REX1BD: variants seen among roughly 807,000 people sequenced by gnomAD.
The protein encoded by REX1BD is required for excision 1-B domain-containing protein.
Under a neutral mutation model 24.4 loss-of-function variants are expected in REX1BD, and 22 were observed. The observed-to-expected ratio is 0.90, with a 90% CI of 0.64 to 1.29. The LOEUF (loss-of-function observed/expected upper bound fraction) is 1.29. REX1BD is among the 50% of genes most tolerant of loss of function. The probability of loss-of-function intolerance (pLI) is 0.00; values close to 1 mark genes in which losing one functional copy is unlikely to be tolerated. For synonymous variants in REX1BD, 146 were observed against 125.9 expected (o/e 1.16, Z -1.07); for missense variants, 293 against 285.3 (o/e 1.03, Z -0.19).
At chr19:18,590,214 G>GT (rs71166528) in intron 3 of REX1BD, 5,102 of 77,728 alleles carry the variant, frequency 0.066, 178 homozygotes, top group African/African-American at 0.15. Context: ...TCTTTCTGGT[G>GT]TTTTTTTTTT....
intron 1 of REX1BD, 39 bp downstream of exon 1, chr19:18,588,939 C>G: frequency 6.6e-7 from 1 of 1,522,724 alleles, no homozygotes; most frequent in African/African-American, 1.4e-5. Flanking sequence ...GCGGGGCGGG[C>G]GGCGCAGACC....
At position 18,589,450 on chromosome 19, in the gene REX1BD, C is replaced by T. The variant is rs1018765097; in HGVS notation, c.220C>T (p.Arg74Cys). The T allele has an allele frequency of 1.2e-5, 19 of 1,557,718 alleles. No homozygotes were observed. Among genetic ancestry groups the T allele is most frequent in the Non-Finnish European group, 1.6e-5 (19 of 1,151,568 alleles). ...APVQGLRAWG[R>C]GLRVPTCRRG... is the part of the protein sequence containing the mutation. Reference sequence around the variant, plus strand: ...GGTGCAGGGCCTGAGAGCCTGGGGGCGCGGCCTCAGGGTCCCCACATGCCG... The same window carrying T: ...GGTGCAGGGCCTGAGAGCCTGGGGGTGCGGCCTCAGGGTCCCCACATGCCG... Residue 74 changes from arginine (R) to cysteine (C), a missense_variant, in exon 3 of 5, where the codon CGC (arginine) becomes TGC (cysteine). Coordinates refer to ENST00000358607, the MANE Select transcript of REX1BD (RefSeq NM_001100418.2).
intron 4 of REX1BD, chr19:18,591,845 T>C: frequency 2.1e-6 from 1 of 487,708 alleles, no homozygotes; most frequent in Non-Finnish European, 3.7e-6. Context: ...TCTGCCTGCC[T>C]CAGCTTCCCA....
At chr19:18,589,980 A>C in intron 3 of REX1BD, 2 of 386,368 alleles carry the variant, frequency 5.2e-6, no homozygotes, top group South Asian at 5.7e-5. Context: ...TGCTCCACCC[A>C]CTCTGGTTGT....
chr19:18,592,294 T>A lies in REX1BD; in HGVS notation c.*114T>A. ...CGCCCCACTGCGCTGCTGACCTTCC[T>A]GCAGTTCCAGACACCTCCCACAATA... On this transcript the variant is annotated 3_prime_UTR_variant, in exon 5 of 5. Coordinates refer to ENST00000358607, the MANE Select transcript of REX1BD (RefSeq NM_001100418.2). The A allele has an allele frequency of 8.7e-7, 1 of 1,152,994 alleles. No individual in the cohort carries two copies. The highest frequency in any genetic ancestry group is 1.3e-5 in the South Asian group (1 of 78,578). The allele number at this position is 1,152,994 out of a possible 1,614,324, so 71.4% of individuals were successfully genotyped here.
At chr19:18,590,640 G>A (rs1442207385) in intron 3 of REX1BD, 1 of 520,540 alleles carries the variant, frequency 1.9e-6, no homozygotes, top group Non-Finnish European at 3.4e-6. Context: ...CGCCCACATC[G>A]CGCTCAGCAC....
rs1479564116 is a variant in REX1BD, at chr19:18,588,850, G to C, written c.49G>C (p.Ala17Pro). The C allele has an allele frequency of 2.0e-6, 3 of 1,533,376 alleles. No homozygotes were observed. The highest frequency in any genetic ancestry group is 1.4e-5 in the African/African-American group (1 of 72,632). 95.0% of individuals were successfully genotyped at this position (1,533,376 alleles called of 1,614,324 possible). ...AEPTVPAVPAAEEATEARGRE... is the reference protein window; with the variant it reads ...AEPTVPAVPAPEEATEARGRE... ...GCCTACGGTCCCTGCAGTGCCTGCT[G>C]CTGAGGAGGCCACCGAAGCTCGGGG... Residue 17 changes from alanine to proline, a missense_variant, in exon 1 of 5, where the codon GCT becomes CCT. Ala to Pro is a conservative substitution (Grantham distance 27). Coordinates refer to ENST00000358607, the MANE Select transcript of REX1BD (RefSeq NM_001100418.2).
At chr19:18,591,211 A>T (rs988093157) in intron 4 of REX1BD, 5 of 359,668 alleles carry the variant, frequency 1.4e-5, no homozygotes, top group Non-Finnish European at 2.0e-5. Flanking sequence ...AGACCTTCAG[A>T]TGCCTGTCCT....
At chr19:18,589,947 A>T (rs1976003589) in intron 3 of REX1BD, 1 of 473,568 alleles carries the variant, frequency 2.1e-6, no homozygotes, top group African/African-American at 2.1e-5. Flanking sequence ...CTATTCCAAG[A>T]TGCCCAGATC....
At position 18,588,921 on chromosome 19, in the gene REX1BD, G is replaced by C. The variant is rs576981326; in HGVS notation, c.99+21G>C. 7 of 1,526,574 alleles carry C rather than the reference G, an allele frequency of 4.6e-6. No homozygotes were observed. In the East Asian group the frequency reaches 1.7e-4, roughly 38 times the overall value. The allele number at this position is 1,526,574 out of a possible 1,614,324, so 94.6% of individuals were successfully genotyped here. A position where few individuals can be genotyped will look rare whatever the true frequency, so the allele number is the denominator to read the frequency against. On this transcript the variant is annotated intron_variant, in intron 1 of 4. Coordinates refer to ENST00000358607, the MANE Select transcript of REX1BD (RefSeq NM_001100418.2). ...CCTGGGTGAGCCCAGGCCCAAGCGG[G>C]AACGGGCGCGGGGCGGGCGGCGCAG... is the stretch of plus-strand genomic sequence containing the variant.
intron 3 of REX1BD, 49 bp downstream of exon 3, chr19:18,589,732 T>A: frequency 7.0e-7 from 1 of 1,436,656 alleles, no homozygotes. Context: ...CCTGGCCGGC[T>A]CCTCTCATGA....
Position 18,588,845 on chromosome 19 carries a change from C to G in REX1BD, c.44C>G (p.Pro15Arg). The G allele has an allele frequency of 2.0e-6, 3 of 1,533,606 alleles. No homozygotes were observed. The highest frequency in any genetic ancestry group is 2.6e-6 in the Non-Finnish European group (3 of 1,146,078). 95.0% of individuals were successfully genotyped at this position (1,533,606 alleles called of 1,614,324 possible). The change falls in exon 1 of 5, where the codon CCT becomes CGT. Residue 15 changes from proline (P) to arginine (R), a missense_variant. Transcript: ENST00000358607. The part of the protein sequence containing the change: ...TAAEPTVPAV[P>R]AAEEATEARG... ...GCGGAGCCTACGGTCCCTGCAGTGC[C>G]TGCTGCTGAGGAGGCCACCGAAGCT...
At chr19:18,589,823 G>A in intron 3 of REX1BD, 140 bp downstream of exon 3, 1 of 1,232,148 alleles carries the variant, frequency 8.1e-7, no homozygotes, top group South Asian at 1.8e-5. Flanking sequence ...CCTCTATTAA[G>A]GCTTCACTTG....
At position 18,592,177 on chromosome 19, in the gene REX1BD, G is replaced by A; in HGVS notation, c.603G>A (p.Glu201=). 6.2e-7 allele frequency: 1 copy of A among 1,614,102 alleles called. No individual in the cohort carries two copies. The highest frequency in any genetic ancestry group is 8.5e-7 in the Non-Finnish European group (1 of 1,180,020). Residue 201 remains glutamate, a synonymous_variant, in exon 5 of 5, where the codon GAG becomes GAA. Transcript: ENST00000358607. ...QDLRFDAESA[E] is the part of the protein sequence containing the mutation. ...TTAGGTTTGATGCGGAATCTGCCGAGTGATGGCGGCTCCCCAGGGATGCGC... is the reference window on the plus strand; with the variant it reads ...TTAGGTTTGATGCGGAATCTGCCGAATGATGGCGGCTCCCCAGGGATGCGC...
At chr19:18,590,036 G>A in intron 3 of REX1BD, 1 of 278,422 alleles carries the variant, frequency 3.6e-6, no homozygotes, top group East Asian at 6.8e-5. Context: ...ATACAGGCGA[G>A]GGGGGTCCCA....
intron 3 of REX1BD, 194 bp from the exon 4 acceptor site, chr19:18,590,660 C>T (rs1015074293): frequency 1.2e-5 from 7 of 566,898 alleles, no homozygotes; most frequent in Non-Finnish European, 1.6e-5. Context: ...CTGCCTCTGG[C>T]CTGCCTGCTG....
In REX1BD at chr19:18,589,029, T is replaced by C. The variant is rs1568437196; in HGVS notation, c.134T>C (p.Ile45Thr). 6.5e-7 allele frequency: 1 copy of C among 1,527,282 alleles called. No individual in the cohort carries two copies. The highest frequency in any genetic ancestry group is 1.2e-5 in the South Asian group (1 of 83,058). 94.6% of individuals were successfully genotyped at this position (1,527,282 alleles called of 1,614,324 possible). A position where few individuals can be genotyped will look rare whatever the true frequency, so the allele number is the denominator to read the frequency against. Residue 45 changes from isoleucine (I) to threonine (T), a missense_variant, in exon 2 of 5, where the codon ATC becomes ACC. Coordinates refer to ENST00000358607, the MANE Select transcript of REX1BD (RefSeq NM_001100418.2). ...DAPIRTLVQRIHQLQAERAQG... is the reference protein window; with the variant it reads ...DAPIRTLVQRTHQLQAERAQG... ...CCGATCCGGACGCTGGTGCAGCGCA[T>C]CCACCAGCTGCAGGCTGAGCGCGCG...
chr19:18,591,375 G>C (rs1190284860), intron 4 of REX1BD: 1 of 154,276 alleles, frequency 6.5e-6, no homozygotes, highest in African/African-American at 2.4e-5. Flanking sequence ...GTGCAGTGGC[G>C]CGATCTCAGC....
chr19:18,589,554 C>T lies in REX1BD; in HGVS notation c.324C>T (p.Thr108=). The T allele has an allele frequency of 6.4e-7, 1 of 1,574,390 alleles. No homozygotes were observed. The highest frequency in any genetic ancestry group is 8.6e-7 in the Non-Finnish European group (1 of 1,167,824). ...ARYRSTVHGV[T]QAFAAASREV... is the part of the protein sequence containing the mutation. The stretch of plus-strand genomic sequence containing the variant: ...ACCGGAGCACAGTGCACGGGGTGAC[C>T]CAGGCCTTCGCCGCCGCCTCGCGGG... Residue 108 remains threonine, a synonymous_variant, in exon 3 of 5, where the codon ACC becomes ACT. Transcript: ENST00000358607.
Sources: gnomAD v4.1 joint callset for allele counts on GRCh38, gnomAD v4.1.1 for gene constraint, MANE v1.5 for transcripts, NCBI Gene and HGNC (gene_info 2026-07-23, HGNC 2026-07-21) for gene names.